CENPE: variants seen among roughly 807,000 people sequenced by gnomAD.
CENPE encodes centromere protein E.
In CENPE, 145 loss-of-function variants were observed where a neutral mutation model predicts 336.1. That is an observed-to-expected ratio of 0.43 (90% confidence interval 0.38 to 0.50). The LOEUF is 0.50. Among genes scored for constraint, CENPE ranks in the 20% least tolerant of loss-of-function variants. The pLI is 0.00. For missense variants in CENPE, 2,719 were observed against 3,023.3 expected (o/e 0.90, Z 2.36); for synonymous variants, 1,013 against 984.8 (o/e 1.03, Z -0.54).
rs140975569 is a variant in CENPE, at chr4:103,146,031, C to A, written c.4211G>T (p.Ser1404Ile). The stretch of plus-strand genomic sequence containing the variant: ...TTTGGGTTTGAATTGCTCCATCTCA[C>A]TCACGATTTTGGTAGTTTCATTGTC... ...EKDNETTKIV[S>I]EMEQFKPKDS... The change falls in exon 30 of 49, where the codon AGT becomes ATT. Residue 1404 changes from serine (S) to isoleucine (I), a missense_variant. Ser to Ile is a moderately radical substitution (Grantham distance 142, BLOSUM62 -2). Transcript: ENST00000265148. 8.7e-6 allele frequency: 14 copies of A among 1,613,958 alleles called. No homozygotes were observed. Among genetic ancestry groups the A allele is most frequent in the South Asian group, 1.1e-5 (1 of 91,076 alleles).
At chr4:103,173,211 TCAACTGATTTTTGACAAAAGTGC>T (rs1389891487) in intron 16 of CENPE, among the ~76,000 whole-genome samples, 4 of 151,970 alleles carry the variant, frequency 2.6e-5, no homozygotes, top group African/African-American at 4.8e-5. Flanking sequence ...GCATATACAG[TCAACTGATTTTTGACAAAAGTGC>T]CAAGAACATA....
At chr4:103,116,772 G>T in intron 44 of CENPE, 83 bp from the exon 45 acceptor site, 1 of 678,138 alleles carries the variant, frequency 1.5e-6, no homozygotes, top group Non-Finnish European at 2.5e-6. Context: ...AGCTGTCTTT[G>T]CTCTAATAAG....
At position 103,120,230 on chromosome 4, in the gene CENPE, TC is replaced by T. The variant is rs1750497393; in HGVS notation, c.7246del (p.Asp2416ThrfsTer2). On this transcript the variant is annotated frameshift_variant, in exon 44 of 49. Coordinates refer to ENST00000265148, the MANE Select transcript of CENPE (RefSeq NM_001813.3). LOFTEE classifies it high-confidence loss of function. ...TTTGGCTTGAAGTTTTGCTATTATG[TC>T]ATTAGTCACCTCAAGTTCTTTCTGC... is the stretch of plus-strand genomic sequence containing the variant. Reference protein sequence around the residue: ...KMQKELEVTNDIIAKLQAKVH... With the variant: ...KMQKELEVTNXIIAKLQAKVH... 1 of 1,612,726 alleles carries T rather than the reference TC, an allele frequency of 6.2e-7. No homozygotes were observed. The highest frequency in any genetic ancestry group is 2.2e-5 in the East Asian group (1 of 44,742).
At chr4:103,177,193 G>T in intron 13 of CENPE, 147 bp from the exon 14 acceptor site, 2 of 586,118 alleles carry the variant, frequency 3.4e-6, no homozygotes, top group East Asian at 3.2e-5. Flanking sequence ...TAAGGATATT[G>T]CTTAAAAAAA....
intron 42 of CENPE, among the ~76,000 whole-genome samples, chr4:103,131,430 G>A (rs1340667909): frequency 6.6e-6 from 1 of 152,178 alleles, no homozygotes; most frequent in Admixed American, 6.5e-5. Flanking sequence ...TACTAGAATG[G>A]TCAAAATCCC....
chr4:103,161,699 G>A (rs1754456749), intron 18 of CENPE, among the ~76,000 whole-genome samples: 1 of 152,006 alleles, frequency 6.6e-6, no homozygotes, highest in African/African-American at 2.4e-5. Context: ...TCATAATTTA[G>A]ATCTGTTTTG....
intron 42 of CENPE, among the ~76,000 whole-genome samples, chr4:103,124,424 C>CAT (rs926376044): frequency 3.0e-4 from 46 of 152,148 alleles, no homozygotes; most frequent in African/African-American, 1.0e-3. Flanking sequence ...TTTGTACTAA[C>CAT]ATATGAAGAG....
chr4:103,188,662 T>C (rs1305375349), intron 8 of CENPE, among the ~76,000 whole-genome samples: 3 of 152,146 alleles, frequency 2.0e-5, no homozygotes, highest in African/African-American at 7.2e-5. Context: ...GGGAAACTTA[T>C]AGCACTAAAC....
chr4:103,194,784 T>A, intron 5 of CENPE, 100 bp from the exon 6 acceptor site: 1 of 847,618 alleles, frequency 1.2e-6, no homozygotes, highest in Non-Finnish European at 1.8e-6. Flanking sequence ...TTGTGAAAGT[T>A]AAAAGTGGCA....
At chr4:103,134,009 C>A (rs1324987305) in intron 40 of CENPE, 117 bp from the exon 41 acceptor site, 4 of 692,938 alleles carry the variant, frequency 5.8e-6, no homozygotes, top group African/African-American at 5.4e-5. Flanking sequence ...TATCCTCTCA[C>A]AAGTGAGGAA....
Position 103,198,306 on chromosome 4 carries a change from C to T in CENPE, c.14G>A (p.Gly5Glu), listed in dbSNP as rs956039808. 2 of 1,551,092 alleles carry T rather than the reference C, an allele frequency of 1.3e-6. No homozygotes were observed. The highest frequency in any genetic ancestry group is 1.7e-6 in the Non-Finnish European group (2 of 1,146,922). ...CACTCGCACGCAGACGGCCACGGCTCCTTCCTCCGCCATCCTATCAGGCTG... is the reference window on the plus strand; with the variant it reads ...CACTCGCACGCAGACGGCCACGGCTTCTTCCTCCGCCATCCTATCAGGCTG... The part of the protein sequence containing the change: MAEE[G>E]AVAVCVRVRP... Residue 5 changes from glycine (G) to glutamate (E), a missense_variant, in exon 1 of 49, where the codon GGA becomes GAA. By Grantham distance (98) the Gly-to-Glu change is moderately conservative (BLOSUM62 -2). Around this residue, in one of 5 missense-constraint regions of CENPE, gnomAD observed 48 missense variants for 50.8 expected, o/e 0.94. Transcript: ENST00000265148.
intron 36 of CENPE, 31 bp downstream of exon 36, chr4:103,140,783 A>G: frequency 6.5e-7 from 1 of 1,531,836 alleles, no homozygotes; most frequent in Non-Finnish European, 8.7e-7. Context: ...ATGTGAATAT[A>G]ATGGTAGGGT....
intron 42 of CENPE, among the ~76,000 whole-genome samples, chr4:103,127,108 A>AG (rs1332345428): frequency 2.4e-4 from 36 of 150,946 alleles, no homozygotes; most frequent in African/African-American, 7.5e-4. Flanking sequence ...AAAAAAAAAA[A>AG]AAAACCAAAA....
At chr4:103,160,874 T>C in intron 20 of CENPE, 95 bp from the exon 21 acceptor site, 1 of 1,158,846 alleles carries the variant, frequency 8.6e-7, no homozygotes, top group Non-Finnish European at 1.2e-6. Flanking sequence ...CAGGATCAGG[T>C]AAAGTTTATT....
rs774765853 is a variant in CENPE at position 103,108,839 on chromosome 4, G to A, written c.7975C>T (p.Arg2659Cys). The A allele has an allele frequency of 2.9e-5, 47 of 1,613,524 alleles. No homozygotes were observed. Among genetic ancestry groups the A allele is most frequent in the African/African-American group, 6.7e-5 (5 of 74,864 alleles). Reference sequence around the variant, plus strand: ...CCTAAACTTGAGTTATCAAAATAGCGAACTGGATGAGGTGATGGTAAAGAC... The same window carrying A: ...CCTAAACTTGAGTTATCAAAATAGCAAACTGGATGAGGTGATGGTAAAGAC... ...SKSLPSPHPVRYFDNSSLGLC... is the reference protein window; with the variant it reads ...SKSLPSPHPVCYFDNSSLGLC... The change falls in exon 48 of 49, where the codon CGC (arginine) becomes TGC (cysteine). Residue 2659 changes from arginine (R) to cysteine (C), a missense_variant. This residue lies in a region of CENPE where 2,437 missense variants were observed against 2,513.3 expected (regional missense o/e 0.97). Coordinates refer to ENST00000265148, the MANE Select transcript of CENPE (RefSeq NM_001813.3).
Position 103,140,468 on chromosome 4 carries a change from TA to T in CENPE, c.5755-55del, listed in dbSNP as rs907756801. On this transcript the variant is annotated intron_variant, in intron 36 of 48. Transcript: ENST00000265148. ...TAATGATATAAAGGCACGTTACCTT[TA>T]CTTAATGATTGAGTTTAAACAAAAT... 9 of 1,218,722 alleles carry T rather than the reference TA, an allele frequency of 7.4e-6. No individual in the cohort carries two copies. The African/African-American group carries it at 1.4e-4, about 19-fold the overall frequency. 75.5% of individuals were successfully genotyped at this position (1,218,722 alleles called of 1,614,324 possible).
rs1161173437 is a variant in CENPE at position 103,116,645 on chromosome 4, T to C, written c.7374A>G (p.Glu2458=). ...LGAKPYKEEI[E]DLKMKLVKID... is the part of the protein sequence containing the mutation. ...TTTTCACAAGCTTCATTTTGAGATCTTCAATTTCTTCTTTATATGGCTTAG... is the reference window on the plus strand; with the variant it reads ...TTTTCACAAGCTTCATTTTGAGATCCTCAATTTCTTCTTTATATGGCTTAG... Residue 2458 remains glutamate, a synonymous_variant, in exon 45 of 49, where the codon GAA becomes GAG. Transcript: ENST00000265148. 20 of 1,595,328 alleles carry C rather than the reference T, an allele frequency of 1.3e-5. No homozygotes were observed. The highest frequency in any genetic ancestry group is 1.7e-4 in the Middle Eastern group (1 of 5,966).
chr4:103,142,284 T>C (rs968376520), intron 34 of CENPE, among the ~76,000 whole-genome samples: 1 of 152,216 alleles, frequency 6.6e-6, no homozygotes. Flanking sequence ...TTTAACAGTA[T>C]ATATGTAGGC....
chr4:103,187,945 G>T (rs1194458110), intron 8 of CENPE, among the ~76,000 whole-genome samples: 3 of 152,074 alleles, frequency 2.0e-5, no homozygotes, highest in Non-Finnish European at 4.4e-5. Flanking sequence ...AAGGGATGGA[G>T]GAAGATCTAC....
Sources: allele counts gnomAD v4.1 joint callset (sites outside exome capture counted in the v4.1 genomes callset), GRCh38; gene constraint gnomAD v4.1.1; regional missense constraint gnomAD v4.1.1; transcripts MANE v1.5; gene names NCBI Gene and HGNC (gene_info 2026-07-23, HGNC 2026-07-21).